Variants in GCLC observed in about 807,000 individuals in gnomAD.
The protein encoded by GCLC is glutamate-cysteine ligase catalytic subunit, also known as glutamate--cysteine ligase catalytic subunit.
GCLC carries 30 observed loss-of-function variants against 81.5 expected under a neutral mutation model. The ratio of observed to expected loss-of-function variants is 0.37; its 90% CI spans 0.28 to 0.50. GCLC has a LOEUF of 0.50. Among genes scored for constraint, GCLC ranks in the 20% least tolerant of loss-of-function variants. GCLC has a pLI of 0.96. For missense variants in GCLC, 556 were observed against 777.4 expected (o/e 0.72, Z 3.39); for synonymous variants, 262 against 273.3 (o/e 0.96, Z 0.41).
intron 1 of GCLC, among the ~76,000 whole-genome samples, chr6:53,524,254 A>G (rs1763045191): frequency 6.6e-6 from 1 of 152,232 alleles, no homozygotes. Flanking sequence ...ACTCAAGGCC[A>G]CAAGTGTCAG....
chr6:53,527,676 A>C (rs2268327), intron 1 of GCLC, among the ~76,000 whole-genome samples: 1 of 152,182 alleles, frequency 6.6e-6, no homozygotes, highest in African/African-American at 2.4e-5. Context: ...AAAATGACCA[A>C]AGAGAGCTGT....
rs6910263 is a variant in GCLC at position 53,506,737 on chromosome 6, A to C, written c.1197+176T>G. On this transcript the variant is annotated intron_variant, in intron 10 of 15. Coordinates refer to ENST00000650454, the MANE Select transcript of GCLC (RefSeq NM_001498.4). The surrounding 1 kb of genome is among the most constrained non-coding windows in gnomAD (Gnocchi z 4.0). Reference sequence around the variant, plus strand: ...CTTGAAACCGATTTTTTATTTGTCCAAGTTCTTTACTGCACTGGGTAAATG... The same window carrying C: ...CTTGAAACCGATTTTTTATTTGTCCCAGTTCTTTACTGCACTGGGTAAATG... The C allele has an allele frequency of 1.3e-3, 770 of 600,210 alleles. 6 individuals are homozygous for C. The African/African-American group carries it at 0.013, about 10-fold the overall frequency. The allele number at this position is 600,210 out of a possible 1,614,324, so 37.2% of individuals were successfully genotyped here. A position where few individuals can be genotyped will look rare whatever the true frequency, so the allele number is the denominator to read the frequency against.
chr6:53,529,056 T>G (rs996811959), intron 1 of GCLC, among the ~76,000 whole-genome samples: 1 of 152,228 alleles, frequency 6.6e-6, no homozygotes, highest in Non-Finnish European at 1.5e-5. Flanking sequence ...TGTGGCTGTG[T>G]GGATTTAAAA....
rs77068113 is a variant in GCLC at position 53,538,970 on chromosome 6, G to T, written c.150+5526C>A. ...AACCTGGTATAATGTTTAAGGACTG[G>T]ACCTGGAGTCAGACAGATTTCAATG... On this transcript the variant is annotated intron_variant, in intron 1 of 15. Coordinates refer to ENST00000650454, the MANE Select transcript of GCLC (RefSeq NM_001498.4). 0.016 allele frequency among the ~76,000 whole-genome samples: 2,445 copies of T among 152,276 alleles called. 110 individuals carry two copies. The East Asian group carries it at 0.19, about 12-fold the overall frequency.
intron 3 of GCLC, among the ~76,000 whole-genome samples, chr6:53,519,338 C>T (rs909397777): frequency 6.6e-6 from 1 of 152,006 alleles, no homozygotes; most frequent in African/African-American, 2.4e-5. Flanking sequence ...AGGACTTCTA[C>T]ACACACTGCT....
In GCLC at chr6:53,498,814, A is replaced by C. The variant is rs1194848415; in HGVS notation, c.1856T>G (p.Leu619Arg). 1 of 1,613,562 alleles carries C rather than the reference A, an allele frequency of 6.2e-7. No homozygotes were observed. Among genetic ancestry groups the C allele is most frequent in the African/African-American group, 1.3e-5 (1 of 74,912 alleles). Residue 619 changes from leucine (L) to arginine (R), a missense_variant, in exon 16 of 16, where the codon CTT becomes CGT. Around this residue, in one of 3 missense-constraint regions of GCLC, gnomAD observed 313 missense variants for 437.3 expected, o/e 0.72. Transcript: ENST00000650454. ...ANELCECPELLGSAFRKVKYS... is the reference protein window; with the variant it reads ...ANELCECPELRGSAFRKVKYS... ...TTTTACTTTCCTAAATGCTGATCCAAGTAACTCTGGGCATTCACATAATTC... is the reference window on the plus strand; with the variant it reads ...TTTTACTTTCCTAAATGCTGATCCACGTAACTCTGGGCATTCACATAATTC...
intron 1 of GCLC, among the ~76,000 whole-genome samples, chr6:53,527,084 C>T (rs922979061): frequency 2.0e-5 from 3 of 152,148 alleles, no homozygotes; most frequent in African/African-American, 7.2e-5. Flanking sequence ...GGACTATGAG[C>T]TGTGAGGTCC....
rs117744324 is a variant in GCLC, at chr6:53,512,814, C to T, written c.753+1390G>A. Among the ~76,000 whole-genome samples, 100 of 152,208 alleles carry T rather than the reference C, an allele frequency of 6.6e-4. No homozygotes were observed. The East Asian group carries it at 0.014, about 21-fold the overall frequency. ...TTGGAACCATATCAGAGAAACTATG[C>T]GGTCTTCGGCAGAACACCCTGGTTT... On this transcript the variant is annotated intron_variant, in intron 6 of 15. Coordinates refer to ENST00000650454, the MANE Select transcript of GCLC (RefSeq NM_001498.4).
At chr6:53,520,514 G>C (rs954656363) in intron 3 of GCLC, among the ~76,000 whole-genome samples, 77 of 152,322 alleles carry the variant, frequency 5.1e-4, no homozygotes, top group African/African-American at 1.8e-3. Flanking sequence ...CACACTGCTG[G>C]TCTGTCATCA....
At chr6:53,508,826 G>GCTCCCC in intron 7 of GCLC, 115 bp from the exon 8 acceptor site, 1 of 757,800 alleles carries the variant, frequency 1.3e-6, no homozygotes, top group Non-Finnish European at 2.4e-6. Context: ...CCCATACAGA[G>GCTCCCC]CACATGTACC....
At chr6:53,500,685 A>C (rs1357766630) in intron 12 of GCLC, 172 bp from the exon 13 acceptor site, 3 of 635,974 alleles carry the variant, frequency 4.7e-6, no homozygotes, top group Admixed American at 2.6e-5. Context: ...GGACTGTATC[A>C]CTCAATCATG....
intron 1 of GCLC, among the ~76,000 whole-genome samples, chr6:53,536,648 A>C (rs185639707): frequency 1.1e-3 from 164 of 152,378 alleles, no homozygotes; most frequent in African/African-American, 3.4e-3. Flanking sequence ...AAAAATGTTC[A>C]GAAACATAAA....
intron 3 of GCLC, 57 bp downstream of exon 3, chr6:53,520,721 T>C: frequency 6.8e-7 from 1 of 1,468,952 alleles, no homozygotes; most frequent in South Asian, 1.1e-5. Flanking sequence ...TGACTTGCTC[T>C]TTTCATTACC....
chr6:53,544,443 C>G, intron 1 of GCLC, 53 bp downstream of exon 1: 5 of 1,584,866 alleles, frequency 3.2e-6, no homozygotes, highest in Non-Finnish European at 4.3e-6. Flanking sequence ...ACAAAGGCAG[C>G]GCGGGCGGCC....
intron 6 of GCLC, chr6:53,513,515 A>G (rs1421185022): frequency 6.6e-6 from 1 of 152,218 alleles, no homozygotes; most frequent in East Asian, 1.9e-4. Flanking sequence ...AAAAGAAGTA[A>G]AGGGAGTTGC....
intron 12 of GCLC, chr6:53,503,197 A>C (rs1485714340): frequency 6.6e-6 from 1 of 152,254 alleles, no homozygotes; most frequent in Non-Finnish European, 1.5e-5. Context: ...AGACATCTGA[A>C]GAGCTAGTTA....
At chr6:53,531,645 G>A (rs1201705978) in intron 1 of GCLC, among the ~76,000 whole-genome samples, 1 of 152,154 alleles carries the variant, frequency 6.6e-6, no homozygotes, top group East Asian at 1.9e-4. Context: ...TGTTCCCTCT[G>A]CCTGGAAGAT....
chr6:53,529,261 C>T lies in GCLC; in HGVS notation c.151-6734G>A, dbSNP rs150963763. Among the ~76,000 whole-genome samples the T allele has an allele frequency of 3.5e-3, 539 of 152,298 alleles. 5 individuals are homozygous for T. The highest frequency in any genetic ancestry group is 0.012 in the African/African-American group (518 of 41,550). On this transcript the variant is annotated intron_variant, in intron 1 of 15. Coordinates refer to ENST00000650454, the MANE Select transcript of GCLC (RefSeq NM_001498.4). ...CACAAAGGAAATCCTTGAATGTAGACCTGCTCTTTCATGCTCCACGGATGC... is the reference window on the plus strand; with the variant it reads ...CACAAAGGAAATCCTTGAATGTAGATCTGCTCTTTCATGCTCCACGGATGC...
chr6:53,517,952 T>C (rs1762910487), intron 3 of GCLC, among the ~76,000 whole-genome samples: 2 of 152,206 alleles, frequency 1.3e-5, no homozygotes, highest in African/African-American at 2.4e-5. Flanking sequence ...TTCCACACTA[T>C]AAATCTTTGC....
Sources: allele counts gnomAD v4.1 joint callset (sites outside exome capture counted in the v4.1 genomes callset), GRCh38; gene constraint gnomAD v4.1.1; regional missense constraint gnomAD v4.1.1; non-coding constraint Gnocchi (gnomAD v3.1); transcripts MANE v1.5; gene names NCBI Gene and HGNC (gene_info 2026-07-23, HGNC 2026-07-21).